The following SMARCC1 variants were observed in gnomAD, a reference collection of about 807,000 sequenced individuals.
SMARCC1 encodes the protein SWI/SNF complex subunit SMARCC1.
In SMARCC1, 43 loss-of-function variants were observed where a neutral mutation model predicts 147.4. The ratio of observed to expected loss-of-function variants is 0.29; its 90% CI spans 0.23 to 0.38. The LOEUF (loss-of-function observed/expected upper bound fraction) is 0.38. SMARCC1 is among the 10% of genes least tolerant of loss of function. The pLI is 1.00. For synonymous variants in SMARCC1, 495 were observed against 484.4 expected, an observed-to-expected ratio of 1.02 and a Z score of -0.29; for missense variants, 1,119 against 1,381.1, an observed-to-expected ratio of 0.81 and a Z score of 3.01.
intron 2 of SMARCC1, among the ~76,000 whole-genome samples, chr3:47,755,245 G>A (rs1479043487): frequency 2.0e-5 from 3 of 151,742 alleles, no homozygotes; most frequent in Admixed American, 6.6e-5. Flanking sequence ...GCTCATGACT[G>A]TAACCGCAGC....
At chr3:47,662,134 A>G (rs550080029) in intron 20 of SMARCC1, among the ~76,000 whole-genome samples, 200 bp downstream of exon 20, 3 of 152,268 alleles carry the variant, frequency 2.0e-5, no homozygotes, top group Admixed American at 1.3e-4. Context: ...AGCTGGGACT[A>G]TAGGCATGTG....
chr3:47,628,471 T>C (rs2032843203), intron 24 of SMARCC1, among the ~76,000 whole-genome samples: 1 of 152,158 alleles, frequency 6.6e-6, no homozygotes, highest in South Asian at 2.1e-4. Flanking sequence ...TAACTAAGAC[T>C]AGGCAAAAAT....
At chr3:47,714,223 A>C (rs1345003746) in intron 8 of SMARCC1, among the ~76,000 whole-genome samples, 192 bp downstream of exon 8, 1 of 152,102 alleles carries the variant, frequency 6.6e-6, no homozygotes, top group Admixed American at 6.6e-5. Flanking sequence ...AATTAGCCTA[A>C]CGTGGTGGCG....
At chr3:47,654,634 C>T (rs1260902404) in intron 21 of SMARCC1, among the ~76,000 whole-genome samples, 2 of 152,294 alleles carry the variant, frequency 1.3e-5, no homozygotes, top group Admixed American at 1.3e-4. Context: ...GGCATGGCCC[C>T]GATTCCTAGC....
chr3:47,662,751 A>G (rs985224195), intron 19 of SMARCC1, among the ~76,000 whole-genome samples, 159 bp from the exon 20 acceptor site: 4 of 152,064 alleles, frequency 2.6e-5, no homozygotes, highest in East Asian at 1.9e-4. Flanking sequence ...CAATCAGGCA[A>G]GTAAAATAAA....
intron 6 of SMARCC1, among the ~76,000 whole-genome samples, chr3:47,727,674 G>GCAACCTCCACCTCCCA: frequency 6.6e-6 from 1 of 151,548 alleles, no homozygotes; most frequent in South Asian, 2.1e-4. Context: ...AGAGCGCAGT[G>GCAACCTCCACCTCCCA]GTGCAATCTC....
chr3:47,622,089 C>T (rs1340616341), intron 25 of SMARCC1, 118 bp downstream of exon 25: 3 of 891,958 alleles, frequency 3.4e-6, no homozygotes, highest in African/African-American at 1.7e-5. Flanking sequence ...GAAAAAAGGA[C>T]AGAAGTTAGC....
intron 13 of SMARCC1, among the ~76,000 whole-genome samples, chr3:47,688,306 AT>A (rs11352536): frequency 0.92 from 135,885 of 147,252 alleles, 62,848 homozygotes; most frequent in South Asian, 0.97. Flanking sequence ...AATAACTTTG[AT>A]TTTTTTTTTT....
At chr3:47,755,527 A>C (rs2034685779) in intron 2 of SMARCC1, among the ~76,000 whole-genome samples, 1 of 150,914 alleles carries the variant, frequency 6.6e-6, no homozygotes, top group Non-Finnish European at 1.5e-5. Context: ...CTAATTAAAT[A>C]AAAAGCGAAT....
intron 21 of SMARCC1, among the ~76,000 whole-genome samples, chr3:47,654,467 G>C (rs1317217173): frequency 2.0e-5 from 3 of 152,200 alleles, no homozygotes. Context: ...GGTACTCTAG[G>C]TGTAACCAAC....
intron 19 of SMARCC1, 174 bp downstream of exon 19, chr3:47,670,484 G>A (rs1199084758): frequency 1.2e-5 from 7 of 597,268 alleles, no homozygotes; most frequent in Admixed American, 3.0e-5. Context: ...ATTCAGGACT[G>A]AAGGTAAGAG....
intron 2 of SMARCC1, among the ~76,000 whole-genome samples, chr3:47,766,901 C>A (rs1417746166): frequency 6.6e-6 from 1 of 152,060 alleles, no homozygotes; most frequent in African/African-American, 2.4e-5. Context: ...AAGTTCCACT[C>A]TAGCTGGGCA....
intron 2 of SMARCC1, among the ~76,000 whole-genome samples, chr3:47,761,293 C>G (rs964984495): frequency 6.6e-6 from 1 of 150,404 alleles, no homozygotes; most frequent in African/African-American, 2.4e-5. Flanking sequence ...CAGAGCAAGG[C>G]AGTATCTCAG....
rs1180451534 is a variant in SMARCC1, at chr3:47,722,640, G to A, written c.647-1905C>T. Among the ~76,000 whole-genome samples, 3 of 151,994 alleles carry A rather than the reference G, an allele frequency of 2.0e-5. No individual in the cohort carries two copies. In the East Asian group the frequency reaches 5.8e-4, roughly 29 times the overall value. Reference sequence around the variant, plus strand: ...ATCAAGACAATTTTTTTAATTATTTGAAATATTTTCCAATAGCAGAAACAA... The same window carrying A: ...ATCAAGACAATTTTTTTAATTATTTAAAATATTTTCCAATAGCAGAAACAA... On this transcript the variant is annotated intron_variant, in intron 6 of 27. Coordinates refer to ENST00000254480, the MANE Select transcript of SMARCC1 (RefSeq NM_003074.4).
intron 2 of SMARCC1, among the ~76,000 whole-genome samples, chr3:47,765,711 C>T (rs1412347107): frequency 1.3e-5 from 2 of 151,966 alleles, no homozygotes; most frequent in Non-Finnish European, 2.9e-5. Flanking sequence ...TAATATTCTA[C>T]ATTTTTCCTC....
In SMARCC1 at chr3:47,675,808, G is replaced by A. The variant is rs988903763; in HGVS notation, c.1726-220C>T. On this transcript the variant is annotated intron_variant, in intron 17 of 27. Coordinates refer to ENST00000254480, the MANE Select transcript of SMARCC1 (RefSeq NM_003074.4). ...AAAAATACAAAAATTAGCCGGGCGT[G>A]GTGGCACGTGCCTATAATCTCAGCT... 2.0e-5 allele frequency among the ~76,000 whole-genome samples: 3 copies of A among 152,014 alleles called. No individual in the cohort carries two copies. The East Asian group carries it at 5.8e-4, about 29-fold the overall frequency.
At chr3:47,596,047 T>TC (rs2032273893) in intron 26 of SMARCC1, among the ~76,000 whole-genome samples, 2 of 149,842 alleles carry the variant, frequency 1.3e-5, no homozygotes, top group Non-Finnish European at 3.0e-5. Flanking sequence ...TTTTTTTTTT[T>TC]CTTTCCCAAA....
intron 7 of SMARCC1, among the ~76,000 whole-genome samples, chr3:47,717,487 T>C (rs567922674): frequency 6.6e-6 from 1 of 152,238 alleles, no homozygotes; most frequent in Non-Finnish European, 1.5e-5. Context: ...TCCCAACAGG[T>C]AGATTTTATC....
chr3:47,696,679 C>T (rs62262129), intron 11 of SMARCC1, among the ~76,000 whole-genome samples: 90,100 of 151,468 alleles, frequency 0.59, 28,061 homozygotes, highest in East Asian at 0.72. Flanking sequence ...CCACCACACC[C>T]GGCTAATTTT....
Sources: gnomAD v4.1 joint callset for allele counts (sites outside exome capture counted in the v4.1 genomes callset) on GRCh38, gnomAD v4.1.1 for gene constraint, MANE v1.5 for transcripts, NCBI Gene and HGNC (gene_info 2026-07-23, HGNC 2026-07-21) for gene names.